The following UBE2Q1 variants were observed in gnomAD, a reference collection of about 807,000 sequenced individuals.
UBE2Q1 encodes the protein ubiquitin conjugating enzyme E2 Q1, also known as ubiquitin-conjugating enzyme E2 Q1.
A neutral mutation model predicts 60.1 loss-of-function variants in UBE2Q1; 6 were observed. That is an observed-to-expected ratio of 0.10 (90% CI 0.05 to 0.20). The LOEUF (loss-of-function observed/expected upper bound fraction) is 0.20. UBE2Q1 is among the 10% of genes least tolerant of loss of function. UBE2Q1 has a pLI of 1.00. For missense variants in UBE2Q1, 262 were observed against 525.8 expected (o/e 0.50, Z 4.91); for synonymous variants, 226 against 208.3 (o/e 1.09, Z -0.73).
rs576121605 is a variant in UBE2Q1 at position 154,550,109 on chromosome 1, A to T, written c.*329T>A. 3.2e-6 allele frequency: 1 copy of T among 308,386 alleles called. No homozygotes were observed. The highest frequency in any genetic ancestry group is 5.6e-5 in the East Asian group (1 of 17,974). 19.1% of individuals were successfully genotyped at this position (308,386 alleles called of 1,614,324 possible). A position where few individuals can be genotyped will look rare whatever the true frequency, so the allele number is the denominator to read the frequency against. ...AAAATAAATTAAAAATCCATAGCATAGGTAAGGAGGCTCTAGTCTGGAGCA... is the reference window on the plus strand; with the variant it reads ...AAAATAAATTAAAAATCCATAGCATTGGTAAGGAGGCTCTAGTCTGGAGCA... On this transcript the variant is annotated 3_prime_UTR_variant, in exon 13 of 13. Transcript: ENST00000292211.
At chr1:154,556,755 C>G (rs1054507101) in intron 1 of UBE2Q1, among the ~76,000 whole-genome samples, 5 of 152,184 alleles carry the variant, frequency 3.3e-5, no homozygotes, top group African/African-American at 1.2e-4. Context: ...GGCTGAGGAC[C>G]CCCTAAATTT....
intron 1 of UBE2Q1, among the ~76,000 whole-genome samples, chr1:154,557,641 T>G (rs1055733450): frequency 2.6e-5 from 4 of 151,656 alleles, no homozygotes; most frequent in Non-Finnish European, 5.9e-5. Context: ...GAGTTAGAGG[T>G]TACACCAGAA....
intron 1 of UBE2Q1, 107 bp downstream of exon 1, chr1:154,558,118 TGA>T: frequency 1.1e-6 from 1 of 874,086 alleles, no homozygotes; most frequent in Non-Finnish European, 1.7e-6. Context: ...AACTGAGCCC[TGA>T]GAGGGGCTTC....
chr1:154,551,842 CT>C, intron 9 of UBE2Q1, 23 bp from the exon 10 acceptor site: 3 of 1,614,234 alleles, frequency 1.9e-6, no homozygotes, highest in Non-Finnish European at 2.5e-6. Context: ...GGTTAGTCAG[CT>C]GTGCCTGACA....
rs773053652 is a variant in UBE2Q1 at position 154,549,787 on chromosome 1, A to C, written c.*651T>G. The C allele has an allele frequency of 2.0e-5, 3 of 152,664 alleles. No individual in the cohort carries two copies. Among genetic ancestry groups the C allele is most frequent in the Non-Finnish European group, 4.4e-5 (3 of 68,072 alleles). The allele number at this position is 152,664 out of a possible 1,614,324, so 9.5% of individuals were successfully genotyped here. A position where few individuals can be genotyped will look rare whatever the true frequency, so the allele number is the denominator to read the frequency against. On this transcript the variant is annotated 3_prime_UTR_variant, in exon 13 of 13. Transcript: ENST00000292211. ...CAAGGGGGCAAGTGCTGGTTGCTCC[A>C]GAGGCCTTGAGGAGAAATCTAGGGG... is the stretch of plus-strand genomic sequence containing the variant.
chr1:154,551,850 G>A (rs1195126263), intron 9 of UBE2Q1, 31 bp from the exon 10 acceptor site: 2 of 1,614,088 alleles, frequency 1.2e-6, no homozygotes, highest in Non-Finnish European at 1.7e-6. Context: ...AGCTGTGCCT[G>A]ACAAAATCTC....
Position 154,550,239 on chromosome 1 carries a change from T to G in UBE2Q1, c.*199A>C. 1.4e-6 allele frequency: 1 copy of G among 731,330 alleles called. No individual in the cohort carries two copies. The highest frequency in any genetic ancestry group is 2.0e-5 in the South Asian group (1 of 50,634). The allele number at this position is 731,330 out of a possible 1,614,324, so 45.3% of individuals were successfully genotyped here. A position where few individuals can be genotyped will look rare whatever the true frequency, so the allele number is the denominator to read the frequency against. On this transcript the variant is annotated 3_prime_UTR_variant, in exon 13 of 13. Coordinates refer to ENST00000292211, the MANE Select transcript of UBE2Q1 (RefSeq NM_017582.7). ...GGTTGGTTGGTCTGTAAGTCAGTCT[T>G]GAGTACTTGAAACAGTTCTGTGTTT...
chr1:154,553,277 TAA>T lies in UBE2Q1; in HGVS notation c.589-107_589-106del, dbSNP rs1179643352. ...TCCCATTTGGCGAAGAGCCAAAAGT[TAA>T]AGTGAAGCAGTCCATCTAGCAGTCT... On this transcript the variant is annotated intron_variant, in intron 4 of 12. Coordinates refer to ENST00000292211, the MANE Select transcript of UBE2Q1 (RefSeq NM_017582.7). 14 of 1,435,336 alleles carry T rather than the reference TAA, an allele frequency of 9.8e-6. No individual in the cohort carries two copies. In the South Asian group the frequency reaches 1.3e-4, roughly 14 times the overall value. 88.9% of individuals were successfully genotyped at this position (1,435,336 alleles called of 1,614,324 possible). A position where few individuals can be genotyped will look rare whatever the true frequency, so the allele number is the denominator to read the frequency against.
intron 3 of UBE2Q1, 42 bp from the exon 4 acceptor site, chr1:154,554,827 G>A (rs751832171): frequency 6.2e-7 from 1 of 1,606,062 alleles, no homozygotes; most frequent in South Asian, 1.1e-5. Context: ...AGCCCCAGTG[G>A]CTTGCTAGAA....
rs1571006228 is a variant in UBE2Q1 at position 154,550,373 on chromosome 1, A to G, written c.*65T>C. The G allele has an allele frequency of 2.5e-6, 4 of 1,603,818 alleles. No individual in the cohort carries two copies. The highest frequency in any genetic ancestry group is 3.4e-6 in the Non-Finnish European group (4 of 1,171,308). ...ACCACAGAGGCAGCGTGAGATCCAA[A>G]TACAGCATTCAAAGGTAATTGGTCC... On this transcript the variant is annotated 3_prime_UTR_variant, in exon 13 of 13. Coordinates refer to ENST00000292211, the MANE Select transcript of UBE2Q1 (RefSeq NM_017582.7).
At chr1:154,552,259 GGCA>G in intron 7 of UBE2Q1, 76 bp from the exon 8 acceptor site, 1 of 1,597,562 alleles carries the variant, frequency 6.3e-7, no homozygotes, top group Non-Finnish European at 8.6e-7. Context: ...TGCCCTGGCT[GGCA>G]GCAGACCACG....
chr1:154,557,322 G>A (rs1695909903), intron 1 of UBE2Q1, among the ~76,000 whole-genome samples: 1 of 152,226 alleles, frequency 6.6e-6, no homozygotes, highest in Non-Finnish European at 1.5e-5. Context: ...ATCACAGCAG[G>A]TAACATCAAC....
In UBE2Q1 at chr1:154,555,486, T is replaced by C; in HGVS notation, c.479A>G (p.Tyr160Cys). Residue 160 changes from tyrosine (Y) to cysteine (C), a missense_variant, in exon 3 of 13, where the codon TAT (tyrosine) becomes TGT (cysteine). Coordinates refer to ENST00000292211, the MANE Select transcript of UBE2Q1 (RefSeq NM_017582.7). Reference protein sequence around the residue: ...KRIISDLCKLYNLPQHPDVEM... With the variant: ...KRIISDLCKLCNLPQHPDVEM... The stretch of plus-strand genomic sequence containing the variant: ...CACATCTGGATGCTGAGGGAGGTTA[T>C]AGAGTTTACACAGGTCGGAGATGAT... 1 of 1,614,188 alleles carries C rather than the reference T, an allele frequency of 6.2e-7. No homozygotes were observed. The highest frequency in any genetic ancestry group is 8.5e-7 in the Non-Finnish European group (1 of 1,180,040).
At position 154,558,309 on chromosome 1, in the gene UBE2Q1, C is replaced by A. The variant is rs773220291; in HGVS notation, c.245G>T (p.Gly82Val). The change falls in exon 1 of 13, where the codon GGG becomes GTG. Residue 82 changes from glycine to valine, a missense_variant. By Grantham distance (109) the Gly-to-Val change is moderately radical. This residue lies in a region of UBE2Q1 where 49 missense variants were observed against 32.5 expected (regional missense o/e 1.51). Coordinates refer to ENST00000292211, the MANE Select transcript of UBE2Q1 (RefSeq NM_017582.7). ...EFLLAGAGGA[G>V]AGAAPGPHLP... ...ATGCGGTCCGGGCGCGGCCCCCGCC[C>A]CGGCCCCTCCGGCCCCAGCCAGCAG... 5.7e-6 allele frequency: 9 copies of A among 1,577,300 alleles called. No individual in the cohort carries two copies. The East Asian group carries it at 1.9e-4, about 34-fold the overall frequency.
Position 154,555,898 on chromosome 1 carries a change from A to AG in UBE2Q1, c.393dup (p.Glu133GlyfsTer26). On this transcript the variant is annotated frameshift_variant, in exon 2 of 13. Transcript: ENST00000292211. LOFTEE classifies it high-confidence loss of function. ...TTCTTTATGTCCACCAGCCTCTCCA[A>AG]GACAGCAGCCAAGTTAGGGTCATCA... 6.2e-7 allele frequency: 1 copy of AG among 1,614,116 alleles called. No homozygotes were observed.
intron 3 of UBE2Q1, 23 bp downstream of exon 3, chr1:154,555,405 C>A (rs373618233): frequency 1.9e-6 from 3 of 1,606,676 alleles, no homozygotes; most frequent in East Asian, 2.2e-5. Flanking sequence ...CACAACAGGG[C>A]CCGAGGCTCC....
At chr1:154,555,234 G>A (rs1199505903) in intron 3 of UBE2Q1, among the ~76,000 whole-genome samples, 194 bp downstream of exon 3, 2 of 152,200 alleles carry the variant, frequency 1.3e-5, no homozygotes. Flanking sequence ...TGATATCAGA[G>A]ATGAAGCTAC....
In UBE2Q1 at chr1:154,558,609, C is replaced by G; in HGVS notation, c.-56G>C. ...GGCCGGGAGCCTCCGGCCTGCGCTC[C>G]GGGCTCCGCCGCCGCCGCCGCCGCC... On this transcript the variant is annotated 5_prime_UTR_variant, in exon 1 of 13. Transcript: ENST00000292211. 1 of 966,106 alleles carries G rather than the reference C, an allele frequency of 1.0e-6. No homozygotes were observed. Among genetic ancestry groups the G allele is most frequent in the Non-Finnish European group, 1.2e-6 (1 of 834,118 alleles). 59.8% of individuals were successfully genotyped at this position (966,106 alleles called of 1,614,324 possible).
rs200884226 is a variant in UBE2Q1 at position 154,558,270 on chromosome 1, C to A, written c.284G>T (p.Gly95Val). 1.3e-6 allele frequency: 2 copies of A among 1,569,398 alleles called. No homozygotes were observed. Among genetic ancestry groups the A allele is most frequent in the South Asian group, 1.2e-5 (1 of 86,720 alleles). Residue 95 changes from glycine to valine, a missense_variant, in exon 1 of 13, where the codon GGG (glycine) becomes GTG (valine). Around this residue, in one of 5 missense-constraint regions of UBE2Q1, gnomAD observed 49 missense variants for 32.5 expected, o/e 1.51. Coordinates refer to ENST00000292211, the MANE Select transcript of UBE2Q1 (RefSeq NM_017582.7). ...AAPGPHLPPR[G>V]SVPGDPVRIH... ...GCGGACAGGATCCCCAGGCACCGAC[C>A]CCCGTGGGGGGAGATGCGGTCCGGG...
Sources: allele counts gnomAD v4.1 joint callset (sites outside exome capture counted in the v4.1 genomes callset), GRCh38; gene constraint gnomAD v4.1.1; regional missense constraint gnomAD v4.1.1; transcripts MANE v1.5; gene names NCBI Gene and HGNC (gene_info 2026-07-23, HGNC 2026-07-21).